Variants in ESRRG observed in about 807,000 individuals in gnomAD.
ESRRG encodes estrogen-related receptor gamma.
ESRRG carries 13 observed loss-of-function variants against 44.0 expected under a neutral mutation model. The observed-to-expected ratio is 0.30, with a 90% CI of 0.19 to 0.47. The LOEUF (loss-of-function observed/expected upper bound fraction) is 0.47, where lower values mean the gene tolerates loss of function less well. ESRRG is among the 20% of genes least tolerant of loss of function. ESRRG has a pLI of 1.00. For missense variants in ESRRG, 395 were observed against 580.6 expected, an observed-to-expected ratio of 0.68 and a Z score of 3.29; for synonymous variants, 215 against 214.6, an observed-to-expected ratio of 1.00 and a Z score of -0.02.
In ESRRG at chr1:217,066,255, CT is replaced by C. The variant is rs68151743; in HGVS notation, c.-106+23251del. On this transcript the variant is annotated intron_variant, in intron 1 of 7. Transcript: ENST00000359162. ...CATGGGGAGAATTCCTTTTTCTTTT[CT>C]TTTTTTTTTTTTTTTTGAGACGGAG... Among the ~76,000 whole-genome samples, 483 of 132,484 alleles carry C rather than the reference CT, an allele frequency of 3.6e-3. 1 individual carries two copies. The highest frequency in any genetic ancestry group is 5.2e-3 in the African/African-American group (184 of 35,556). The allele number at this position is 132,484 out of a possible 152,430, so 86.9% of individuals were successfully genotyped here. A position where few individuals can be genotyped will look rare whatever the true frequency, so the allele number is the denominator to read the frequency against.
intron 2 of ESRRG, among the ~76,000 whole-genome samples, chr1:216,818,715 A>C (rs1194769572): frequency 6.6e-6 from 1 of 152,024 alleles, no homozygotes; most frequent in South Asian, 2.1e-4. Context: ...CCCATCACCC[A>C]GGTATTAAGC....
At chr1:217,062,045 T>C (rs2088620452) in intron 1 of ESRRG, among the ~76,000 whole-genome samples, 1 of 152,188 alleles carries the variant, frequency 6.6e-6, no homozygotes, top group Admixed American at 6.5e-5. Context: ...AGTGAATTTA[T>C]AGATTGAGGG....
intron 2 of ESRRG, among the ~76,000 whole-genome samples, chr1:216,924,421 A>G (rs1418206188): frequency 6.6e-6 from 1 of 152,070 alleles, no homozygotes; most frequent in Admixed American, 6.6e-5. Context: ...CCGAGACCAA[A>G]GGGTCCAATT....
intron 1 of ESRRG, among the ~76,000 whole-genome samples, chr1:217,102,057 C>T (rs1177876684): frequency 3.9e-5 from 6 of 152,192 alleles, no homozygotes; most frequent in African/African-American, 1.2e-4. Context: ...CCCCCCGCTT[C>T]GGCCTCCCAA....
intron 1 of ESRRG, among the ~76,000 whole-genome samples, chr1:217,019,986 C>T (rs1272794102): frequency 6.6e-6 from 1 of 152,052 alleles, no homozygotes; most frequent in Non-Finnish European, 1.5e-5. Context: ...ATCAGGTACC[C>T]GGATAAAATG....
chr1:216,769,778 T>C (rs771019416), intron 2 of ESRRG, among the ~76,000 whole-genome samples: 3 of 152,136 alleles, frequency 2.0e-5, no homozygotes, highest in Non-Finnish European at 4.4e-5. Flanking sequence ...TAGAGGTTTA[T>C]AAACATTGAA....
intron 1 of ESRRG, among the ~76,000 whole-genome samples, chr1:217,075,427 G>T (rs1241265723): frequency 6.6e-6 from 1 of 152,086 alleles, no homozygotes; most frequent in Non-Finnish European, 1.5e-5. Context: ...GTCTGACTCT[G>T]AATATTATGC....
At chr1:216,931,806 T>A in intron 2 of ESRRG, among the ~76,000 whole-genome samples, 1 of 141,598 alleles carries the variant, frequency 7.1e-6, no homozygotes, top group African/African-American at 2.6e-5. Flanking sequence ...GAGAAGCCAA[T>A]CTAATCAAGA....
At chr1:216,649,006 A>C (rs1262891086) in intron 3 of ESRRG, among the ~76,000 whole-genome samples, 1 of 152,140 alleles carries the variant, frequency 6.6e-6, no homozygotes, top group East Asian at 1.9e-4. Flanking sequence ...TTACTCTGCT[A>C]TAGGGGTTAA....
chr1:216,888,278 T>C (rs999072591), intron 2 of ESRRG, among the ~76,000 whole-genome samples: 1 of 152,218 alleles, frequency 6.6e-6, no homozygotes, highest in Non-Finnish European at 1.5e-5. Flanking sequence ...ATTCTGGGCT[T>C]CCTTTTCCTT....
rs544432998 is a variant in ESRRG, at chr1:216,845,710, CT to C, written c.-14+93871del. Among the ~76,000 whole-genome samples, 69 of 152,262 alleles carry C rather than the reference CT, an allele frequency of 4.5e-4. No homozygotes were observed. In the South Asian group the frequency reaches 0.014, roughly 32 times the overall value. On this transcript the variant is annotated intron_variant, in intron 2 of 7. Transcript: ENST00000359162. ...ACATTCCTACTCTGGAACTTTCTAA[CT>C]CATCCTATCCTTGTCTTTCTTCCAA...
intron 2 of ESRRG, among the ~76,000 whole-genome samples, chr1:216,823,585 T>C (rs937020478): frequency 6.6e-6 from 1 of 152,224 alleles, no homozygotes; most frequent in Non-Finnish European, 1.5e-5. Flanking sequence ...ACTCATTCTT[T>C]TTTAAAAATT....
chr1:216,864,362 C>T (rs1034163085), intron 2 of ESRRG: 6 of 150,354 alleles, frequency 4.0e-5, no homozygotes, highest in Non-Finnish European at 8.9e-5. Context: ...AGCCAAAGCC[C>T]AGTCCTTTAA....
intron 2 of ESRRG, among the ~76,000 whole-genome samples, chr1:216,771,584 C>G (rs1378882220): frequency 6.6e-6 from 1 of 151,898 alleles, no homozygotes; most frequent in African/African-American, 2.4e-5. Flanking sequence ...TAAAAGATTC[C>G]TGCCATGGGA....
chr1:216,821,472 G>T (rs1269716999), intron 2 of ESRRG, among the ~76,000 whole-genome samples: 1 of 151,674 alleles, frequency 6.6e-6, no homozygotes, highest in African/African-American at 2.4e-5. Flanking sequence ...GATCACTTTA[G>T]CCCAGGAGTT....
chr1:216,994,706 G>A (rs1361254033), intron 1 of ESRRG, among the ~76,000 whole-genome samples: 8 of 151,742 alleles, frequency 5.3e-5, no homozygotes, highest in Admixed American at 2.0e-4. Flanking sequence ...CTCAGCCTCC[G>A]GAGTAGCTGG....
intron 2 of ESRRG, among the ~76,000 whole-genome samples, chr1:216,892,532 TATTTC>T (rs1261646936): frequency 1.3e-5 from 2 of 152,148 alleles, no homozygotes; most frequent in Non-Finnish European, 2.9e-5. Context: ...TATGAGGAAA[TATTTC>T]AGTTCCTTCT....
intron 2 of ESRRG, among the ~76,000 whole-genome samples, chr1:216,931,792 AGAG>A (rs1006165219): frequency 6.6e-6 from 1 of 151,682 alleles, no homozygotes; most frequent in African/African-American, 2.4e-5. Flanking sequence ...TCTTTCTTTC[AGAG>A]GAGAAGCCAA....
chr1:216,880,304 CAAAAAAA>C lies in ESRRG; in HGVS notation c.-14+59271_-14+59277del, dbSNP rs11301281. On this transcript the variant is annotated intron_variant, in intron 2 of 7. Transcript: ENST00000359162. ...CCTGAGCGACAACAAGCCTCCCTCTCAAAAAAAAAAAAAAAAAAAAAAAAAAAAAAGT... is the reference window on the plus strand; with the variant it reads ...CCTGAGCGACAACAAGCCTCCCTCTCAAAAAAAAAAAAAAAAAAAAAAAGT... Among the ~76,000 whole-genome samples the C allele has an allele frequency of 6.5e-3, 190 of 29,034 alleles. 2 individuals are homozygous for C. The highest frequency in any genetic ancestry group is 0.024 in the African/African-American group (171 of 7,160). 19.0% of individuals were successfully genotyped at this position (29,034 alleles called of 152,430 possible).
Sources: allele counts gnomAD v4.1 joint callset (sites outside exome capture counted in the v4.1 genomes callset), GRCh38; gene constraint gnomAD v4.1.1; transcripts MANE v1.5; gene names NCBI Gene and HGNC (gene_info 2026-07-23, HGNC 2026-07-21).